Variants in RASA2 observed in about 807,000 individuals in gnomAD.
RASA2 encodes the protein RAS p21 protein activator 2, also known as ras GTPase-activating protein 2.
In RASA2, 155 loss-of-function variants were observed where a neutral mutation model predicts 118.2. The ratio of observed to expected loss-of-function variants is 1.31; its 90% CI spans 1.15 to 1.50. The LOEUF (loss-of-function observed/expected upper bound fraction) is 1.50, where lower values mean the gene tolerates loss of function less well. Ranked by LOEUF, RASA2 falls within the 40% of genes most tolerant of loss-of-function variation. The pLI is 0.00. For synonymous variants in RASA2, 353 were observed against 349.1 expected, an observed-to-expected ratio of 1.01 and a Z score of -0.12; for missense variants, 1,016 against 1,009.6, an observed-to-expected ratio of 1.01 and a Z score of -0.09.
At chr3:141,569,365 A>G (rs1004312300) in intron 9 of RASA2, among the ~76,000 whole-genome samples, 3 of 152,150 alleles carry the variant, frequency 2.0e-5, no homozygotes, top group Non-Finnish European at 4.4e-5. Flanking sequence ...AGAAAGATAT[A>G]TTTTGGCTAA....
chr3:141,516,317 TTTC>T lies in RASA2; in HGVS notation c.252-8_252-6del, dbSNP rs2082025554. On this transcript the variant is annotated splice_polypyrimidine_tract_variant and splice_region_variant and intron_variant, in intron 2 of 23. Transcript: ENST00000286364. Reference sequence around the variant, plus strand: ...ATTATTTGAAGTAATGAGCTTTCCTTTTCTTTCTAGCCCATTTTTCAGTGAAGA... The same window carrying T: ...ATTATTTGAAGTAATGAGCTTTCCTTTTTCTAGCCCATTTTTCAGTGAAGA... 1 of 1,532,998 alleles carries T rather than the reference TTTC, an allele frequency of 6.5e-7. No homozygotes were observed. The highest frequency in any genetic ancestry group is 2.1e-5 in the Admixed American group (1 of 48,176). The allele number at this position is 1,532,998 out of a possible 1,614,324, so 95.0% of individuals were successfully genotyped here.
intron 1 of RASA2, among the ~76,000 whole-genome samples, chr3:141,511,848 A>C (rs931256106): frequency 5.9e-5 from 9 of 152,142 alleles, no homozygotes; most frequent in Non-Finnish European, 1.5e-5. Context: ...AAGAAAGATT[A>C]ATTGTGGAGT....
chr3:141,577,062 G>C lies in RASA2; in HGVS notation c.1546G>C (p.Ala516Pro). The change falls in exon 15 of 24, where the codon GCC (alanine) becomes CCC (proline). Residue 516 changes from alanine (A) to proline (P), a missense_variant. Around this residue, in one of 2 missense-constraint regions of RASA2, gnomAD observed 896 missense variants for 836.4 expected, o/e 1.07. Coordinates refer to ENST00000286364, the MANE Select transcript of RASA2 (RefSeq NM_006506.5). Reference sequence around the variant, plus strand: ...TGTATTTCTTCGTTTCTTTGCTGTAGCCGTAGTATCACCTCATACTTTTCA... The same window carrying C: ...TGTATTTCTTCGTTTCTTTGCTGTACCCGTAGTATCACCTCATACTTTTCA... The part of the protein sequence containing the change: ...SFVFLRFFAV[A>P]VVSPHTFHLR... 2 of 1,611,536 alleles carry C rather than the reference G, an allele frequency of 1.2e-6. No homozygotes were observed. The highest frequency in any genetic ancestry group is 1.7e-6 in the Non-Finnish European group (2 of 1,178,542).
At position 141,492,507 on chromosome 3, in the gene RASA2, C is replaced by G. The variant is rs944668813; in HGVS notation, c.133+5291C>G. ...TTAAAAGTTTGTATCAGTACACATA[C>G]AGAGAACCATAAATGACAAATTTGT... On this transcript the variant is annotated intron_variant, in intron 1 of 23. Transcript: ENST00000286364. Among the ~76,000 whole-genome samples the G allele has an allele frequency of 3.9e-5, 6 of 152,180 alleles. No individual in the cohort carries two copies. In the East Asian group the frequency reaches 5.8e-4, roughly 15 times the overall value.
At chr3:141,518,640 T>A (rs1381364426) in intron 3 of RASA2, among the ~76,000 whole-genome samples, 4 of 151,806 alleles carry the variant, frequency 2.6e-5, no homozygotes, top group African/African-American at 9.7e-5. Flanking sequence ...AAAATCTCTA[T>A]AATCTGGCTT....
Position 141,597,072 on chromosome 3 carries a change from A to G in RASA2, c.1933+10320A>G, listed in dbSNP as rs140406641. Among the ~76,000 whole-genome samples, 668 of 152,298 alleles carry G rather than the reference A, an allele frequency of 4.4e-3. 4 individuals carry two copies. Among genetic ancestry groups the G allele is most frequent in the South Asian group, 0.023 (113 of 4,826 alleles). ...AATGTCTATCAGCTGGTGAATGGGT[A>G]AATAAAATATGATATATATATGCAA... On this transcript the variant is annotated intron_variant, in intron 19 of 23. Coordinates refer to ENST00000286364, the MANE Select transcript of RASA2 (RefSeq NM_006506.5).
At position 141,529,750 on chromosome 3, in the gene RASA2, G is replaced by A. The variant is rs1209051733; in HGVS notation, c.398G>A (p.Gly133Asp). Residue 133 changes from glycine to aspartate, a missense_variant, in exon 4 of 24, where the codon GGC becomes GAC. Physicochemically the swap from Gly to Asp is moderately conservative, Grantham distance 94 (BLOSUM62 -1). Coordinates refer to ENST00000286364, the MANE Select transcript of RASA2 (RefSeq NM_006506.5). ...AAAGAAGACTTGTGTAATCACAGTG[G>A]CAAAGAAACTTGGTTTTCATTACAG... ...IKKEDLCNHS[G>D]KETWFSLQPV... is the part of the protein sequence containing the mutation. 5.0e-6 allele frequency: 8 copies of A among 1,612,294 alleles called. No individual in the cohort carries two copies. The highest frequency in any genetic ancestry group is 6.8e-6 in the Non-Finnish European group (8 of 1,178,882).
rs552919459 is a variant in RASA2 at position 141,531,900 on chromosome 3, G to A, written c.450+2098G>A. ...AGAAAAGATAGAAAATCATCCCATG[G>A]TTCATACAAATCCTACTTTGTTAAT... On this transcript the variant is annotated intron_variant, in intron 4 of 23. Transcript: ENST00000286364. Among the ~76,000 whole-genome samples the A allele has an allele frequency of 5.3e-5, 8 of 151,970 alleles. No homozygotes were observed. The East Asian group carries it at 1.5e-3, about 29-fold the overall frequency.
At chr3:141,532,872 A>G (rs1037078435) in intron 4 of RASA2, among the ~76,000 whole-genome samples, 3 of 152,146 alleles carry the variant, frequency 2.0e-5, no homozygotes, top group South Asian at 2.1e-4. Flanking sequence ...GTGCTTATTG[A>G]GCATAAGTTC....
intron 2 of RASA2, among the ~76,000 whole-genome samples, chr3:141,516,090 T>C (rs1284577224): frequency 6.8e-6 from 1 of 147,958 alleles, no homozygotes; most frequent in Non-Finnish European, 1.5e-5. Context: ...TTAGGAGATA[T>C]ACCTAATGTA....
At chr3:141,598,944 T>C (rs912987738) in intron 19 of RASA2, among the ~76,000 whole-genome samples, 1 of 151,940 alleles carries the variant, frequency 6.6e-6, no homozygotes, top group African/African-American at 2.4e-5. Context: ...AAAAATCAGC[T>C]GGGCGTCGTG....
intron 19 of RASA2, among the ~76,000 whole-genome samples, chr3:141,595,291 A>T (rs11916906): frequency 0.47 from 71,521 of 152,060 alleles, 18,232 homozygotes; most frequent in African/African-American, 0.68. Flanking sequence ...ATGAACTACA[A>T]TACATTGAAA....
chr3:141,592,679 C>G (rs2083304756), intron 19 of RASA2, among the ~76,000 whole-genome samples: 1 of 152,040 alleles, frequency 6.6e-6, no homozygotes, highest in Admixed American at 6.5e-5. Context: ...AAATGGATCA[C>G]ATTCTGAATC....
intron 5 of RASA2, among the ~76,000 whole-genome samples, chr3:141,547,180 T>C (rs1415583398): frequency 6.6e-6 from 1 of 152,194 alleles, no homozygotes; most frequent in Non-Finnish European, 1.5e-5. Context: ...TTGGTTATTC[T>C]GGGTCTTTTG....
At chr3:141,547,468 A>G (rs1009215627) in intron 5 of RASA2, among the ~76,000 whole-genome samples, 4 of 152,122 alleles carry the variant, frequency 2.6e-5, no homozygotes, top group African/African-American at 9.7e-5. Flanking sequence ...TTGTGTAAGC[A>G]GTATTACTTT....
rs2082909821 is a variant in RASA2, at chr3:141,570,991, T to A, written c.943T>A (p.Tyr315Asn). The A allele has an allele frequency of 6.2e-7, 1 of 1,612,544 alleles. No individual in the cohort carries two copies. Among genetic ancestry groups the A allele is most frequent in the Admixed American group, 1.7e-5 (1 of 59,828 alleles). Reference protein sequence around the residue: ...DLGSLRLNICYTEDYVLPSEY... With the variant: ...DLGSLRLNICNTEDYVLPSEY... Reference sequence around the variant, plus strand: ...GGGGTCTCTTCGATTAAATATATGTTATACAGAAGACTACGTGCTTCCTTC... The same window carrying A: ...GGGGTCTCTTCGATTAAATATATGTAATACAGAAGACTACGTGCTTCCTTC... The change falls in exon 10 of 24, where the codon TAT (tyrosine) becomes AAT (asparagine). Residue 315 changes from tyrosine (Y) to asparagine (N), a missense_variant. Physicochemically the swap from Tyr to Asn is moderately radical, Grantham distance 143 (BLOSUM62 -2). Coordinates refer to ENST00000286364, the MANE Select transcript of RASA2 (RefSeq NM_006506.5).
At chr3:141,491,547 T>C (rs1348677465) in intron 1 of RASA2, among the ~76,000 whole-genome samples, 1 of 152,144 alleles carries the variant, frequency 6.6e-6, no homozygotes, top group Non-Finnish European at 1.5e-5. Context: ...CCTCACAATG[T>C]TATCCTGTGG....
intron 19 of RASA2, among the ~76,000 whole-genome samples, chr3:141,604,131 C>T (rs1339141724): frequency 6.6e-6 from 1 of 152,140 alleles, no homozygotes; most frequent in Non-Finnish European, 1.5e-5. Flanking sequence ...TAGGGTATTT[C>T]TGTTTAATTA....
At chr3:141,576,307 T>A (rs1370068876) in intron 14 of RASA2, among the ~76,000 whole-genome samples, 2 of 152,108 alleles carry the variant, frequency 1.3e-5, no homozygotes, top group East Asian at 3.8e-4. Context: ...GAATGACAAA[T>A]TAAACGACTT....
Sources: gnomAD v4.1 joint callset for allele counts (sites outside exome capture counted in the v4.1 genomes callset) on GRCh38, gnomAD v4.1.1 for gene constraint, gnomAD v4.1.1 regional missense constraint, MANE v1.5 for transcripts, NCBI Gene and HGNC (gene_info 2026-07-23, HGNC 2026-07-21) for gene names.